STK32B: variants seen among roughly 807,000 people sequenced by gnomAD.
The protein encoded by STK32B is serine/threonine kinase 32B.
STK32B carries 43 observed loss-of-function variants against 52.6 expected under a neutral mutation model. The observed-to-expected ratio is 0.82, with a 90% CI of 0.64 to 1.05. The LOEUF (loss-of-function observed/expected upper bound fraction) is 1.05. Among genes scored for constraint, STK32B ranks in the 50% least tolerant of loss-of-function variants. The pLI is 0.00. For synonymous variants in STK32B, 238 were observed against 204.3 expected (o/e 1.17, Z -1.41); for missense variants, 621 against 534.6 (o/e 1.16, Z -1.59).
intron 3 of STK32B, among the ~76,000 whole-genome samples, chr4:5,196,334 GTTTT>G (rs35605834): frequency 2.3e-5 from 2 of 87,714 alleles, no homozygotes; most frequent in African/African-American, 5.2e-5. Context: ...TCTTTCTTCA[GTTTT>G]TTTTTTTTTT....
chr4:5,105,336 A>C (rs1455489281), intron 1 of STK32B, among the ~76,000 whole-genome samples: 1 of 152,194 alleles, frequency 6.6e-6, no homozygotes, highest in Non-Finnish European at 1.5e-5. Context: ...CTAAAAAATA[A>C]TTTTAAAATA....
At chr4:5,061,187 C>A (rs1034019968) in intron 1 of STK32B, among the ~76,000 whole-genome samples, 1 of 152,126 alleles carries the variant, frequency 6.6e-6, no homozygotes, top group African/African-American at 2.4e-5. Context: ...GCTTTTTGTT[C>A]TTTTTTCTCT....
chr4:5,134,609 G>C (rs1185983632), intron 1 of STK32B, among the ~76,000 whole-genome samples: 1 of 152,200 alleles, frequency 6.6e-6, no homozygotes, highest in Admixed American at 6.6e-5. Flanking sequence ...GGATTTGGGG[G>C]TGACATTGTC....
At chr4:5,312,263 T>TA (rs1553869064) in intron 3 of STK32B, among the ~76,000 whole-genome samples, 12 of 150,918 alleles carry the variant, frequency 8.0e-5, no homozygotes, top group Admixed American at 5.3e-4. Context: ...TTTAGTTTTT[T>TA]TTTTATTTTA....
intron 1 of STK32B, among the ~76,000 whole-genome samples, chr4:5,114,443 T>C (rs1441488169): frequency 6.6e-6 from 1 of 151,984 alleles, no homozygotes; most frequent in Non-Finnish European, 1.5e-5. Context: ...CGTCCTGTTT[T>C]CTATCACGCT....
chr4:5,196,720 C>T (rs1414950992), intron 3 of STK32B, among the ~76,000 whole-genome samples: 1 of 92,354 alleles, frequency 1.1e-5, no homozygotes, highest in Non-Finnish European at 2.2e-5. Context: ...GACTCTGTCT[C>T]AAAAAAATAA....
chr4:5,388,628 C>T (rs1305834990), intron 4 of STK32B, among the ~76,000 whole-genome samples: 1 of 152,172 alleles, frequency 6.6e-6, no homozygotes, highest in African/African-American at 2.4e-5. Context: ...CAGGCTGACT[C>T]ACGGATCTAT....
At chr4:5,224,890 C>T (rs945336510) in intron 3 of STK32B, among the ~76,000 whole-genome samples, 1 of 152,008 alleles carries the variant, frequency 6.6e-6, no homozygotes, top group Non-Finnish European at 1.5e-5. Context: ...CATTTTATTA[C>T]AACACTTGGC....
At chr4:5,340,456 T>C (rs1222072206) in intron 4 of STK32B, among the ~76,000 whole-genome samples, 1 of 152,152 alleles carries the variant, frequency 6.6e-6, no homozygotes, top group African/African-American at 2.4e-5. Context: ...CCCAGGTGGG[T>C]GGAGCCTGTA....
At chr4:5,278,275 AAGG>A (rs1180120167) in intron 3 of STK32B, among the ~76,000 whole-genome samples, 9 of 152,194 alleles carry the variant, frequency 5.9e-5, no homozygotes, top group Admixed American at 3.3e-4. Flanking sequence ...ACCAGGAAGG[AAGG>A]AGGCTTCTGA....
chr4:5,451,536 C>G lies in STK32B; in HGVS notation c.666+4760C>G, dbSNP rs116482687. Among the ~76,000 whole-genome samples the G allele has an allele frequency of 5.6e-3, 855 of 152,242 alleles. 5 individuals are homozygous for G. The highest frequency in any genetic ancestry group is 0.02 in the African/African-American group (827 of 41,528). ...TGGGTTCAAATCCTGACTTTGCCAC[C>G]TAGACTCTCAATGGTCTTCAGTGAG... On this transcript the variant is annotated intron_variant, in intron 7 of 11. Transcript: ENST00000282908.
intron 9 of STK32B, among the ~76,000 whole-genome samples, chr4:5,464,025 G>C (rs1241713296): frequency 6.6e-6 from 1 of 152,186 alleles, no homozygotes; most frequent in African/African-American, 2.4e-5. Flanking sequence ...TTTGCTTCTG[G>C]GGAGGCATCA....
At chr4:5,261,757 ATTAC>A (rs778710362) in intron 3 of STK32B, among the ~76,000 whole-genome samples, 44 of 152,094 alleles carry the variant, frequency 2.9e-4, no homozygotes, top group Non-Finnish European at 5.4e-4. Context: ...TGTTATTATT[ATTAC>A]TTTATTATTA....
At chr4:5,385,459 GT>G (rs1156337291) in intron 4 of STK32B, among the ~76,000 whole-genome samples, 1 of 141,396 alleles carries the variant, frequency 7.1e-6, no homozygotes, top group African/African-American at 2.6e-5. Flanking sequence ...AGGGAGGGGG[GT>G]TTTGGCGTTT....
chr4:5,091,056 C>T (rs954516246), intron 1 of STK32B, among the ~76,000 whole-genome samples: 1 of 152,128 alleles, frequency 6.6e-6, no homozygotes, highest in Non-Finnish European at 1.5e-5. Context: ...TGAAAATTAA[C>T]ACCAATCGTT....
intron 1 of STK32B, among the ~76,000 whole-genome samples, chr4:5,077,598 T>A (rs1712158073): frequency 6.6e-6 from 1 of 152,156 alleles, no homozygotes; most frequent in Admixed American, 6.5e-5. Flanking sequence ...CCAAGATCTC[T>A]TCTCTTCTCC....
At chr4:5,274,668 C>T (rs1727688858) in intron 3 of STK32B, among the ~76,000 whole-genome samples, 1 of 152,216 alleles carries the variant, frequency 6.6e-6, no homozygotes, top group African/African-American at 2.4e-5. Context: ...TTGGAGCTGG[C>T]AGCAGCGACC....
At position 5,252,976 on chromosome 4, in the gene STK32B, C is replaced by T. The variant is rs115212955; in HGVS notation, c.261-78244C>T. Among the ~76,000 whole-genome samples the T allele has an allele frequency of 7.5e-3, 1,140 of 152,244 alleles. 13 individuals are homozygous for T. Among genetic ancestry groups the T allele is most frequent in the African/African-American group, 0.026 (1,095 of 41,534 alleles). ...TCCATTCTATTTGTCTCTTCTAATC[C>T]TTCTGCCACCACTGCCAACTTACTC... On this transcript the variant is annotated intron_variant, in intron 3 of 11. Coordinates refer to ENST00000282908, the MANE Select transcript of STK32B (RefSeq NM_018401.3).
intron 6 of STK32B, among the ~76,000 whole-genome samples, chr4:5,421,778 C>G (rs1320557652): frequency 6.6e-6 from 1 of 152,206 alleles, no homozygotes; most frequent in Non-Finnish European, 1.5e-5. Flanking sequence ...TGGGACCTCG[C>G]TACCTGCCTG....
Sources: gnomAD v4.1 joint callset for allele counts (sites outside exome capture counted in the v4.1 genomes callset) on GRCh38, gnomAD v4.1.1 for gene constraint, MANE v1.5 for transcripts, NCBI Gene and HGNC (gene_info 2026-07-23, HGNC 2026-07-21) for gene names.